The following PVR variants were observed in gnomAD, a reference collection of about 807,000 sequenced individuals.
PVR encodes PVR cell adhesion molecule, also known as poliovirus receptor.
PVR carries 39 observed loss-of-function variants against 43.3 expected under a neutral mutation model. The observed-to-expected ratio is 0.90, with a 90% CI of 0.70 to 1.18. The LOEUF is 1.18. Ranked by LOEUF, PVR falls within the 50% of genes most tolerant of loss-of-function variation. The pLI is 0.00. For missense variants in PVR, 480 were observed against 549.7 expected (o/e 0.87, Z 1.27); for synonymous variants, 224 against 233.2 (o/e 0.96, Z 0.36).
chr19:44,651,812 C>A (rs1450388267), intron 3 of PVR, among the ~76,000 whole-genome samples: 2 of 152,200 alleles, frequency 1.3e-5, no homozygotes, highest in Non-Finnish European at 2.9e-5. Flanking sequence ...AAATAGCATG[C>A]AAGCTGCATA....
At chr19:44,648,147 C>G (rs1441659042) in intron 2 of PVR, among the ~76,000 whole-genome samples, 2 of 152,174 alleles carry the variant, frequency 1.3e-5, no homozygotes, top group Admixed American at 6.5e-5. Context: ...TTCTAATTGC[C>G]TGTGATTCCA....
chr19:44,660,201 G>A (rs1973558264), intron 6 of PVR, among the ~76,000 whole-genome samples: 1 of 152,152 alleles, frequency 6.6e-6, no homozygotes, highest in Admixed American at 6.6e-5. Flanking sequence ...ACTGGGCCGG[G>A]CATAAAAGAG....
rs1432054806 is a variant in PVR, at chr19:44,663,910, A to C, written c.*2099A>C. Among the ~76,000 whole-genome samples the C allele has an allele frequency of 5.3e-5, 8 of 152,070 alleles. No homozygotes were observed. In the South Asian group the frequency reaches 1.0e-3, roughly 20 times the overall value. ...GCTGTGACCACAGCTGCCCCTCACC[A>C]TGCTAAGCTAATTTTTTTAATTAGA... On this transcript the variant is annotated 3_prime_UTR_variant, in exon 8 of 8. Coordinates refer to ENST00000425690, the MANE Select transcript of PVR (RefSeq NM_006505.5).
chr19:44,653,118 G>A (rs936220772), intron 3 of PVR, among the ~76,000 whole-genome samples: 5 of 151,966 alleles, frequency 3.3e-5, no homozygotes, highest in Non-Finnish European at 5.9e-5. Context: ...GTCAGCTCCC[G>A]GGGACACACT....
rs139007731 is a variant in PVR at position 44,658,847 on chromosome 19, A to G, written c.1097A>G (p.Tyr366Cys). The change falls in exon 6 of 8, where the codon TAT becomes TGT. Residue 366 changes from tyrosine (Y) to cysteine (C), a missense_variant. By Grantham distance (194) the Tyr-to-Cys change is radical (BLOSUM62 -2). Coordinates refer to ENST00000425690, the MANE Select transcript of PVR (RefSeq NM_006505.5). ...LILLGIGIYFYWSKCSREVLW... is the reference protein window; with the variant it reads ...LILLGIGIYFCWSKCSREVLW... ...CTGCTGGGGATCGGGATTTATTTCT[A>G]TTGGTCCAAATGTTCCCGTGAGGTC... 56 of 1,613,818 alleles carry G rather than the reference A, an allele frequency of 3.5e-5. No individual in the cohort carries two copies. Among genetic ancestry groups the G allele is most frequent in the East Asian group, 1.3e-4 (6 of 44,876 alleles).
rs745314243 is a variant in PVR, at chr19:44,658,779, C to G, written c.1029C>G (p.Asn343Lys). ...GTGAGCACTCAGGCATGTCCCGTAA[C>G]GCCATCATCTTCCTGGTTCTGGGAA... ...PPSEHSGMSRNAIIFLVLGIL... is the reference protein window; with the variant it reads ...PPSEHSGMSRKAIIFLVLGIL... Residue 343 changes from asparagine (N) to lysine (K), a missense_variant, in exon 6 of 8, where the codon AAC (asparagine) becomes AAG (lysine). Physicochemically the swap from Asn to Lys is moderately conservative, Grantham distance 94 (BLOSUM62 0). Coordinates refer to ENST00000425690, the MANE Select transcript of PVR (RefSeq NM_006505.5). 5 of 1,612,044 alleles carry G rather than the reference C, an allele frequency of 3.1e-6. No homozygotes were observed. In the Admixed American group the frequency reaches 6.7e-5, roughly 21 times the overall value.
At chr19:44,644,250 T>C in intron 1 of PVR, 75 bp downstream of exon 1, 1 of 1,220,934 alleles carries the variant, frequency 8.2e-7, no homozygotes, top group Non-Finnish European at 1.1e-6. Flanking sequence ...ACTCGCCCCC[T>C]TGGGTTCCCG....
At chr19:44,648,754 G>A (rs1451456177) in intron 2 of PVR, among the ~76,000 whole-genome samples, 1 of 152,152 alleles carries the variant, frequency 6.6e-6, no homozygotes, top group African/African-American at 2.4e-5. Context: ...TCAAGGGCTT[G>A]GAACTGTGCC....
chr19:44,647,186 G>A (rs1239011905), intron 1 of PVR, 37 bp from the exon 2 acceptor site: 1 of 1,444,212 alleles, frequency 6.9e-7, no homozygotes, highest in Middle Eastern at 2.4e-4. Context: ...GTCCAAGAAC[G>A]CCCCGGGTCT....
chr19:44,657,283 G>C (rs1396131507), intron 4 of PVR, among the ~76,000 whole-genome samples: 1 of 152,238 alleles, frequency 6.6e-6, no homozygotes, highest in African/African-American at 2.4e-5. Flanking sequence ...AATGGAAAAC[G>C]TGGGCAGAGG....
intron 6 of PVR, among the ~76,000 whole-genome samples, chr19:44,660,189 C>T (rs1368526142): frequency 1.3e-5 from 2 of 152,146 alleles, no homozygotes; most frequent in South Asian, 2.1e-4. Flanking sequence ...GGACCGCCTA[C>T]CACTGGGCCG....
chr19:44,663,880 A>G lies in PVR; in HGVS notation c.*2069A>G, dbSNP rs557010676. Among the ~76,000 whole-genome samples, 3 of 152,108 alleles carry G rather than the reference A, an allele frequency of 2.0e-5. No homozygotes were observed. The highest frequency in any genetic ancestry group is 7.2e-5 in the African/African-American group (3 of 41,506). Reference sequence around the variant, plus strand: ...AGCAATCCTCCCACCTCAGCCTACCAAGTAGCTGTGACCACAGCTGCCCCT... The same window carrying G: ...AGCAATCCTCCCACCTCAGCCTACCGAGTAGCTGTGACCACAGCTGCCCCT... On this transcript the variant is annotated 3_prime_UTR_variant, in exon 8 of 8. Transcript: ENST00000425690.
Position 44,644,386 on chromosome 19 carries a change from A to T in PVR, c.79+211A>T, listed in dbSNP as rs377093980. Among the ~76,000 whole-genome samples the T allele has an allele frequency of 9.3e-4, 141 of 152,300 alleles. 2 individuals are homozygous for T. The highest frequency in any genetic ancestry group is 3.3e-3 in the African/African-American group (138 of 41,578). On this transcript the variant is annotated intron_variant, in intron 1 of 7. Coordinates refer to ENST00000425690, the MANE Select transcript of PVR (RefSeq NM_006505.5). ...ACCCGGAGAGCGGTCGGAGTTGGGT[A>T]CAGAAATTCCTCGAAATTGGCAGCA...
intron 6 of PVR, among the ~76,000 whole-genome samples, chr19:44,660,941 C>A (rs376913210): frequency 6.6e-6 from 1 of 152,084 alleles, no homozygotes; most frequent in African/African-American, 2.4e-5. Context: ...CTAAATAAAC[C>A]CCTGTTGAAT....
In PVR at chr19:44,647,215, CTCCGCAG is replaced by C; in HGVS notation, c.80-7_80-1del. Reference sequence around the variant, plus strand: ...CGGGTCTGACACCTTCTCTTCGGTTCTCCGCAGGGGACGTCGTCGTGCAGGCGCCCAC... The same window carrying C: ...CGGGTCTGACACCTTCTCTTCGGTTCGGGACGTCGTCGTGCAGGCGCCCAC... On this transcript the variant is annotated splice_acceptor_variant and splice_polypyrimidine_tract_variant and intron_variant, in intron 1 of 7. Coordinates refer to ENST00000425690, the MANE Select transcript of PVR (RefSeq NM_006505.5). LOFTEE classifies it high-confidence loss of function. 6.6e-7 allele frequency: 1 copy of C among 1,524,860 alleles called. No individual in the cohort carries two copies. The highest frequency in any genetic ancestry group is 8.8e-7 in the Non-Finnish European group (1 of 1,130,614). 94.5% of individuals were successfully genotyped at this position (1,524,860 alleles called of 1,614,324 possible).
intron 5 of PVR, 127 bp downstream of exon 5, chr19:44,658,037 C>T (rs1973499821): frequency 1.0e-6 from 1 of 969,836 alleles, no homozygotes; most frequent in Non-Finnish European, 1.5e-6. Context: ...GTGGGGCCAG[C>T]TTTACTCCCC....
In PVR at chr19:44,653,954, A is replaced by G. The variant is rs1973356974; in HGVS notation, c.779A>G (p.Asn260Ser). The G allele has an allele frequency of 6.2e-7, 1 of 1,614,204 alleles. No homozygotes were observed. Among genetic ancestry groups the G allele is most frequent in the African/African-American group, 1.3e-5 (1 of 75,056 alleles). The change falls in exon 4 of 8, where the codon AAT becomes AGT. Residue 260 changes from asparagine to serine, a missense_variant. Physicochemically the swap from Asn to Ser is conservative, Grantham distance 46 (BLOSUM62 1). Transcript: ENST00000425690. Reference protein sequence around the residue: ...GYDNNWYLGQNEATLTCDARS... With the variant: ...GYDNNWYLGQSEATLTCDARS... ...GATAACAACTGGTACCTTGGCCAGA[A>G]TGAGGCCACCCTGACCTGCGATGCT...
At chr19:44,656,289 T>C (rs575258017) in intron 4 of PVR, among the ~76,000 whole-genome samples, 2 of 152,294 alleles carry the variant, frequency 1.3e-5, no homozygotes, top group East Asian at 1.9e-4. Context: ...CATGGTGGTG[T>C]CCATCCCCAC....
intron 3 of PVR, among the ~76,000 whole-genome samples, chr19:44,651,479 C>T (rs539444886): frequency 2.6e-5 from 4 of 152,296 alleles, no homozygotes; most frequent in Non-Finnish European, 2.9e-5. Context: ...CAACTGTCTC[C>T]GCCGGGTGCT....
Sources: gnomAD v4.1 joint callset for allele counts (sites outside exome capture counted in the v4.1 genomes callset) on GRCh38, gnomAD v4.1.1 for gene constraint, MANE v1.5 for transcripts, NCBI Gene and HGNC (gene_info 2026-07-23, HGNC 2026-07-21) for gene names.